Variants in EPHA6 observed in about 807,000 individuals in gnomAD.
The protein encoded by EPHA6 is EPH receptor A6.
In EPHA6, 50 loss-of-function variants were observed where a neutral mutation model predicts 112.0. The observed-to-expected ratio is 0.45, with a 90% confidence interval of 0.36 to 0.56. The LOEUF (loss-of-function observed/expected upper bound fraction) is 0.56. Among genes scored for constraint, EPHA6 ranks in the 20% least tolerant of loss-of-function variants. The pLI, the probability that EPHA6 is intolerant of heterozygous loss-of-function variation, is 0.00. For synonymous variants in EPHA6, 529 were observed against 490.7 expected, an observed-to-expected ratio of 1.08 and a Z score of -1.03; for missense variants, 1,280 against 1,417.4, an observed-to-expected ratio of 0.90 and a Z score of 1.56.
chr3:97,031,937 C>A (rs1403984671), intron 3 of EPHA6, among the ~76,000 whole-genome samples: 1 of 152,110 alleles, frequency 6.6e-6, no homozygotes, highest in Non-Finnish European at 1.5e-5. Context: ...CCCAGCCATC[C>A]CGTTACTGGG....
intron 2 of EPHA6, among the ~76,000 whole-genome samples, chr3:96,986,343 A>C (rs1432263954): frequency 6.6e-6 from 1 of 152,178 alleles, no homozygotes; most frequent in Admixed American, 6.5e-5. Flanking sequence ...GTAAAAGCCA[A>C]AGGGCTTAAA....
At chr3:97,640,846 G>A (rs574472524) in intron 14 of EPHA6, among the ~76,000 whole-genome samples, 307 of 152,134 alleles carry the variant, frequency 2.0e-3, no homozygotes, top group Non-Finnish European at 3.6e-3. Flanking sequence ...AAGGACAGGA[G>A]GACTAGTAGC....
intron 10 of EPHA6, among the ~76,000 whole-genome samples, chr3:97,501,321 T>C (rs2092112063): frequency 6.6e-6 from 1 of 151,372 alleles, no homozygotes; most frequent in Non-Finnish European, 1.5e-5. Context: ...AAAAATTCTA[T>C]CTTATGAATA....
At chr3:97,268,324 C>T (rs2079766591) in intron 5 of EPHA6, among the ~76,000 whole-genome samples, 1 of 152,158 alleles carries the variant, frequency 6.6e-6, no homozygotes, top group South Asian at 2.1e-4. Flanking sequence ...AAGTTTGGTG[C>T]ATTTTAATCA....
At chr3:97,257,670 C>T (rs1193875318) in intron 5 of EPHA6, among the ~76,000 whole-genome samples, 2 of 151,828 alleles carry the variant, frequency 1.3e-5, no homozygotes, top group Non-Finnish European at 2.9e-5. Flanking sequence ...ACTACTAGGC[C>T]TTGTCAGTGT....
chr3:97,338,880 G>A (rs890748541), intron 5 of EPHA6, among the ~76,000 whole-genome samples: 1 of 152,116 alleles, frequency 6.6e-6, no homozygotes, highest in Non-Finnish European at 1.5e-5. Flanking sequence ...CAGAAAACAG[G>A]ACTTCAGATA....
At chr3:96,848,355 T>C (rs1274970519) in intron 1 of EPHA6, among the ~76,000 whole-genome samples, 1 of 152,154 alleles carries the variant, frequency 6.6e-6, no homozygotes, top group South Asian at 2.1e-4. Context: ...TCAATTGTTA[T>C]AAAAATATTT....
intron 5 of EPHA6, among the ~76,000 whole-genome samples, chr3:97,357,647 C>A (rs1291158213): frequency 6.6e-6 from 1 of 152,040 alleles, no homozygotes; most frequent in African/African-American, 2.4e-5. Flanking sequence ...GGGCACTAAC[C>A]CCCCATGCAG....
intron 3 of EPHA6, among the ~76,000 whole-genome samples, chr3:97,181,216 T>C (rs1158790085): frequency 6.6e-6 from 1 of 152,124 alleles, no homozygotes. Context: ...AGATATGCTC[T>C]CCCAACCATA....
intron 6 of EPHA6, among the ~76,000 whole-genome samples, chr3:97,430,074 A>G (rs1384235684): frequency 6.6e-6 from 1 of 152,164 alleles, no homozygotes; most frequent in Non-Finnish European, 1.5e-5. Flanking sequence ...TTTTAAATTA[A>G]TTTTTAAATA....
chr3:97,150,587 G>A (rs1431822986), intron 3 of EPHA6, among the ~76,000 whole-genome samples: 4 of 152,032 alleles, frequency 2.6e-5, no homozygotes, highest in Admixed American at 2.6e-4. Context: ...GGAAAACAAC[G>A]TGGGTGCTGA....
rs748748562 is a variant in EPHA6, at chr3:97,736,100, T to G, written c.3110T>G (p.Leu1037Arg). 12 of 1,611,770 alleles carry G rather than the reference T, an allele frequency of 7.4e-6. No individual in the cohort carries two copies. Residue 1037 changes from leucine to arginine, a missense_variant, in exon 16 of 18, where the codon CTG (leucine) becomes CGG (arginine). This residue lies in a region of EPHA6 where 145 missense variants were observed against 153.3 expected (regional missense o/e 0.95). Coordinates refer to ENST00000389672, the MANE Select transcript of EPHA6 (RefSeq NM_001080448.3). ...CGAAATCCCAGTGCCCTTCACACCCTGGTGGAGGACATCCTTGTGTAAGAG... is the reference window on the plus strand; with the variant it reads ...CGAAATCCCAGTGCCCTTCACACCCGGGTGGAGGACATCCTTGTGTAAGAG... ...LIRNPSALHT[L>R]VEDILVMPES...
chr3:97,479,597 G>A, intron 9 of EPHA6, among the ~76,000 whole-genome samples: 1 of 152,010 alleles, frequency 6.6e-6, no homozygotes, highest in East Asian at 1.9e-4. Context: ...ACAACAGACT[G>A]AATTTGCTAA....
At chr3:97,614,580 C>T (rs541807952) in intron 13 of EPHA6, among the ~76,000 whole-genome samples, 1 of 148,248 alleles carries the variant, frequency 6.7e-6, no homozygotes, top group Admixed American at 6.8e-5. Flanking sequence ...TTTCAATTTC[C>T]TTATCTCATG....
chr3:97,184,881 A>G (rs989192267), intron 3 of EPHA6, among the ~76,000 whole-genome samples: 2 of 152,208 alleles, frequency 1.3e-5, no homozygotes, highest in African/African-American at 4.8e-5. Context: ...AGACCAATGG[A>G]ACAGAACAGA....
At chr3:96,825,344 C>T (rs1425855765) in intron 1 of EPHA6, among the ~76,000 whole-genome samples, 1 of 151,010 alleles carries the variant, frequency 6.6e-6, no homozygotes, top group Non-Finnish European at 1.5e-5. Flanking sequence ...TATAACAACA[C>T]AAAATCTAAA....
chr3:97,664,960 A>G (rs2094195362), intron 14 of EPHA6, among the ~76,000 whole-genome samples: 1 of 152,218 alleles, frequency 6.6e-6, no homozygotes, highest in Non-Finnish European at 1.5e-5. Context: ...CATAATTGGA[A>G]AAAACTAATT....
In EPHA6 at chr3:97,751,783, A is replaced by G. The variant is rs997814517; in HGVS notation, c.*3082A>G. ...ATAATCTTTGATACCTAAAATATGC[A>G]TATAGACTCACATACCTACTTTATT... is the stretch of plus-strand genomic sequence containing the variant. On this transcript the variant is annotated 3_prime_UTR_variant, in exon 18 of 18. Coordinates refer to ENST00000389672, the MANE Select transcript of EPHA6 (RefSeq NM_001080448.3). 2.0e-5 allele frequency among the ~76,000 whole-genome samples: 3 copies of G among 152,172 alleles called. No homozygotes were observed. The highest frequency in any genetic ancestry group is 4.4e-5 in the Non-Finnish European group (3 of 67,988).
rs1326817532 is a variant in EPHA6 at position 96,981,383 on chromosome 3, C to T, written c.451-5947C>T. On this transcript the variant is annotated intron_variant, in intron 2 of 17. Coordinates refer to ENST00000389672, the MANE Select transcript of EPHA6 (RefSeq NM_001080448.3). ...ATTTGTTTATGTTGAACCAGCCTTA[C>T]ATCCCAGGGATGAAGCCCACTTGAT... 2.0e-5 allele frequency among the ~76,000 whole-genome samples: 3 copies of T among 152,250 alleles called. No individual in the cohort carries two copies. The East Asian group carries it at 5.8e-4, about 29-fold the overall frequency.
Sources: allele counts gnomAD v4.1 joint callset (sites outside exome capture counted in the v4.1 genomes callset), GRCh38; gene constraint gnomAD v4.1.1; regional missense constraint gnomAD v4.1.1; transcripts MANE v1.5; gene names NCBI Gene and HGNC (gene_info 2026-07-23, HGNC 2026-07-21).